EVI5: variants seen among roughly 807,000 people sequenced by gnomAD.
EVI5 encodes ecotropic viral integration site 5 protein homolog.
In EVI5, 73 loss-of-function variants were observed where a neutral mutation model predicts 112.0. The observed-to-expected ratio is 0.65, with a 90% confidence interval of 0.54 to 0.79. The LOEUF (loss-of-function observed/expected upper bound fraction) is 0.79. Ranked by LOEUF, EVI5 falls within the 30% of genes least tolerant of loss-of-function variation. The pLI is 0.00. For missense variants in EVI5, 900 were observed against 968.8 expected (o/e 0.93, Z 0.94); for synonymous variants, 305 against 319.9 (o/e 0.95, Z 0.50).
Position 92,510,707 on chromosome 1 carries a change from A to T in EVI5, c.*2949T>A, listed in dbSNP as rs762960794. 1 of 152,240 alleles carries T rather than the reference A, an allele frequency of 6.6e-6. No homozygotes were observed. Among genetic ancestry groups the T allele is most frequent in the Non-Finnish European group, 1.5e-5 (1 of 68,044 alleles). 9.4% of individuals were successfully genotyped at this position (152,240 alleles called of 1,614,324 possible). A position where few individuals can be genotyped will look rare whatever the true frequency, so the allele number is the denominator to read the frequency against. Reference sequence around the variant, plus strand: ...CACAAAGCGGCCATACACAATATTTAAAAGGGTGAGCATGGGTGTGCCCCA... The same window carrying T: ...CACAAAGCGGCCATACACAATATTTTAAAGGGTGAGCATGGGTGTGCCCCA... On this transcript the variant is annotated 3_prime_UTR_variant, in exon 20 of 20. Transcript: ENST00000684568.
intron 19 of EVI5, among the ~76,000 whole-genome samples, chr1:92,550,781 A>AAAAT (rs1557766166): frequency 9.8e-5 from 2 of 20,322 alleles, no homozygotes; most frequent in Non-Finnish European, 1.5e-4. Flanking sequence ...AAAAAAAAAA[A>AAAAT]ATATATATAT....
chr1:92,632,859 TTC>T (rs1224720237), intron 14 of EVI5, among the ~76,000 whole-genome samples: 1 of 152,200 alleles, frequency 6.6e-6, no homozygotes, highest in African/African-American at 2.4e-5. Context: ...GTCCCAGAGA[TTC>T]TGGTATGCTG....
At chr1:92,539,406 A>G (rs936770062) in intron 19 of EVI5, among the ~76,000 whole-genome samples, 12 of 151,624 alleles carry the variant, frequency 7.9e-5, no homozygotes, top group Non-Finnish European at 1.3e-4. Context: ...AGCCGGGTGT[A>G]GTGGCGGGCG....
At chr1:92,700,929 A>C (rs1165196654) in intron 5 of EVI5, 2 of 152,226 alleles carry the variant, frequency 1.3e-5, no homozygotes, top group Non-Finnish European at 2.9e-5. Context: ...GCCACTGCGC[A>C]AAGCTGGAAA....
Position 92,736,714 on chromosome 1 carries a change from TAA to T in EVI5, c.-81-89_-81-88del, listed in dbSNP as rs1434195675. ...AATAATTCTGTTAGGATTTACTTAA[TAA>T]CCATCATCAGAATATTCTCTTTGAG... On this transcript the variant is annotated intron_variant, in intron 1 of 19. Transcript: ENST00000684568. 4.5e-6 allele frequency: 4 copies of T among 890,150 alleles called. No homozygotes were observed. The African/African-American group carries it at 4.9e-5, about 11-fold the overall frequency. The allele number at this position is 890,150 out of a possible 1,614,324, so 55.1% of individuals were successfully genotyped here.
intron 18 of EVI5, among the ~76,000 whole-genome samples, chr1:92,599,002 T>C (rs1273147741): frequency 6.6e-6 from 1 of 151,868 alleles, no homozygotes. Flanking sequence ...GTAGACTGAA[T>C]AATCTTTGAA....
chr1:92,596,316 C>T (rs541073457), intron 18 of EVI5, among the ~76,000 whole-genome samples: 12 of 152,214 alleles, frequency 7.9e-5, no homozygotes, highest in East Asian at 3.9e-4. Flanking sequence ...GCCGTGACTG[C>T]GCCACCGCAT....
intron 16 of EVI5, among the ~76,000 whole-genome samples, chr1:92,613,952 A>G (rs575648027): frequency 7.2e-5 from 11 of 152,188 alleles, no homozygotes; most frequent in Admixed American, 2.0e-4. Context: ...CTTCTGTAAT[A>G]AGTAACAAAT....
At chr1:92,633,015 T>C (rs1400503622) in intron 14 of EVI5, among the ~76,000 whole-genome samples, 1 of 152,180 alleles carries the variant, frequency 6.6e-6, no homozygotes, top group African/African-American at 2.4e-5. Context: ...GAGTTCTAGT[T>C]TGATTGCACT....
intron 19 of EVI5, among the ~76,000 whole-genome samples, chr1:92,550,120 G>A (rs1666539124): frequency 6.6e-6 from 1 of 152,076 alleles, no homozygotes; most frequent in Non-Finnish European, 1.5e-5. Context: ...ATGATAGACT[G>A]GATTAAGAAA....
chr1:92,598,759 T>C (rs1213745677), intron 18 of EVI5, among the ~76,000 whole-genome samples: 2 of 152,158 alleles, frequency 1.3e-5, no homozygotes, highest in African/African-American at 4.8e-5. Flanking sequence ...GTCATTCATT[T>C]AGAGAAGAAA....
At chr1:92,567,566 G>C (rs1029250533) in intron 18 of EVI5, among the ~76,000 whole-genome samples, 1 of 152,174 alleles carries the variant, frequency 6.6e-6, no homozygotes, top group African/African-American at 2.4e-5. Flanking sequence ...GTATTCAGTA[G>C]AGTAACATGT....
chr1:92,541,565 A>C (rs1212184114), intron 19 of EVI5, among the ~76,000 whole-genome samples: 1 of 152,224 alleles, frequency 6.6e-6, no homozygotes, highest in African/African-American at 2.4e-5. Flanking sequence ...AGTTCCTCAA[A>C]TAGTTAAACA....
chr1:92,684,125 G>T (rs982322043), intron 9 of EVI5, among the ~76,000 whole-genome samples: 1 of 152,070 alleles, frequency 6.6e-6, no homozygotes, highest in African/African-American at 2.4e-5. Flanking sequence ...TTGAAATGAA[G>T]GAAAAAATGT....
chr1:92,681,858 G>A (rs1667641727), intron 9 of EVI5, among the ~76,000 whole-genome samples: 1 of 152,144 alleles, frequency 6.6e-6, no homozygotes, highest in Non-Finnish European at 1.5e-5. Flanking sequence ...GTCACATATG[G>A]GTAATGGCTA....
chr1:92,583,734 T>TC (rs967805736), intron 18 of EVI5, among the ~76,000 whole-genome samples: 70 of 127,432 alleles, frequency 5.5e-4, no homozygotes, highest in Non-Finnish European at 8.5e-4. Context: ...TCTCTCTCTC[T>TC]TTTTTTTTTT....
At chr1:92,567,207 C>T (rs967749001) in intron 18 of EVI5, among the ~76,000 whole-genome samples, 4 of 151,208 alleles carry the variant, frequency 2.6e-5, no homozygotes, top group African/African-American at 9.7e-5. Context: ...TACAGCCATA[C>T]AATATATTTA....
At chr1:92,602,404 A>G (rs77749108) in intron 18 of EVI5, among the ~76,000 whole-genome samples, 9 of 151,766 alleles carry the variant, frequency 5.9e-5, no homozygotes, top group Non-Finnish European at 1.2e-4. Context: ...TATTAAAAAA[A>G]TTTTTTTTTG....
At chr1:92,769,652 G>A (rs906975680) in intron 1 of EVI5, among the ~76,000 whole-genome samples, 7 of 152,114 alleles carry the variant, frequency 4.6e-5, no homozygotes, top group Non-Finnish European at 7.4e-5. Flanking sequence ...TTGGGAGGCC[G>A]AGGCAGGCAG....
Sources: allele counts gnomAD v4.1 joint callset (sites outside exome capture counted in the v4.1 genomes callset), GRCh38; gene constraint gnomAD v4.1.1; transcripts MANE v1.5; gene names NCBI Gene and HGNC (gene_info 2026-07-23, HGNC 2026-07-21).